The following SGCZ variants were observed in gnomAD, a reference collection of about 807,000 sequenced individuals.
The protein encoded by SGCZ is zeta-sarcoglycan.
SGCZ carries 40 observed loss-of-function variants against 41.3 expected under a neutral mutation model. That is an observed-to-expected ratio of 0.97 (90% CI 0.75 to 1.26). The LOEUF is 1.26. SGCZ is among the 50% of genes most tolerant of loss of function. SGCZ has a pLI of 0.00. For missense variants in SGCZ, 552 were observed against 369.8 expected, an observed-to-expected ratio of 1.49 and a Z score of -4.04; for synonymous variants, 206 against 137.5, an observed-to-expected ratio of 1.50 and a Z score of -3.49.
intron 1 of SGCZ, among the ~76,000 whole-genome samples, chr8:14,898,582 T>C (rs1216821561): frequency 6.6e-6 from 1 of 152,150 alleles, no homozygotes; most frequent in African/African-American, 2.4e-5. Flanking sequence ...GAAAGATGGT[T>C]ATTGGACTTG....
chr8:14,281,258 A>C (rs1022289690), intron 3 of SGCZ, among the ~76,000 whole-genome samples: 1 of 151,986 alleles, frequency 6.6e-6, no homozygotes, highest in Non-Finnish European at 1.5e-5. Context: ...AATTAAATGA[A>C]ATAATAAGTT....
chr8:14,922,208 T>C (rs1192397735), intron 1 of SGCZ, among the ~76,000 whole-genome samples: 1 of 151,714 alleles, frequency 6.6e-6, no homozygotes, highest in Non-Finnish European at 1.5e-5. Flanking sequence ...AAGCAGAAAA[T>C]GACTGCGTAC....
rs548233755 is a variant in SGCZ, at chr8:14,755,726, G to A, written c.40-200800C>T. ...GTAAATATCACCTCCACTAAAGGCT[G>A]TGCTAAGTGCCCTGATTGCTCATAA... is the stretch of plus-strand genomic sequence containing the variant. On this transcript the variant is annotated intron_variant, in intron 1 of 7. Transcript: ENST00000382080. Among the ~76,000 whole-genome samples, 79 of 152,206 alleles carry A rather than the reference G, an allele frequency of 5.2e-4. 2 individuals carry two copies. Among genetic ancestry groups the A allele is most frequent in the Non-Finnish European group, 4.4e-5 (3 of 68,012 alleles).
intron 1 of SGCZ, among the ~76,000 whole-genome samples, chr8:15,221,244 C>A (rs77449096): frequency 6.6e-6 from 1 of 151,964 alleles, no homozygotes; most frequent in Non-Finnish European, 1.5e-5. Context: ...CCTGGATTTG[C>A]GAAGAAGGGT....
intron 3 of SGCZ, among the ~76,000 whole-genome samples, chr8:14,278,093 A>G (rs552669715): frequency 2.0e-5 from 3 of 152,190 alleles, no homozygotes; most frequent in African/African-American, 4.8e-5. Context: ...TTTCACTCCC[A>G]TCGAGTTTCC....
intron 2 of SGCZ, among the ~76,000 whole-genome samples, chr8:14,456,728 C>T (rs1800755802): frequency 6.6e-6 from 1 of 152,174 alleles, no homozygotes; most frequent in Admixed American, 6.5e-5. Context: ...TATATGTCCT[C>T]ACCCAAATCT....
At chr8:14,734,312 A>G (rs1798963336) in intron 1 of SGCZ, among the ~76,000 whole-genome samples, 1 of 152,220 alleles carries the variant, frequency 6.6e-6, no homozygotes, top group Non-Finnish European at 1.5e-5. Context: ...TTGTAATAAA[A>G]TAAGAACACA....
chr8:15,228,272 C>T lies in SGCZ; in HGVS notation c.39+9313G>A, dbSNP rs148490203. Among the ~76,000 whole-genome samples, 57 of 152,262 alleles carry T rather than the reference C, an allele frequency of 3.7e-4. No individual in the cohort carries two copies. The East Asian group carries it at 0.011, about 29-fold the overall frequency. On this transcript the variant is annotated intron_variant, in intron 1 of 7. Coordinates refer to ENST00000382080, the MANE Select transcript of SGCZ (RefSeq NM_139167.4). Reference sequence around the variant, plus strand: ...TGCCACAAGCCAAAAATATGTTTAGCTTAATCCACCTGTGTATTTCACACA... The same window carrying T: ...TGCCACAAGCCAAAAATATGTTTAGTTTAATCCACCTGTGTATTTCACACA...
At chr8:14,313,910 C>G (rs865976809) in intron 3 of SGCZ, among the ~76,000 whole-genome samples, 13 of 144,912 alleles carry the variant, frequency 9.0e-5, no homozygotes, top group African/African-American at 2.3e-4. Flanking sequence ...TATCATCTCT[C>G]TGTGTGTGTG....
intron 1 of SGCZ, among the ~76,000 whole-genome samples, chr8:14,805,859 AC>A (rs1241141354): frequency 4.6e-5 from 7 of 151,652 alleles, no homozygotes; most frequent in African/African-American, 1.7e-4. Flanking sequence ...ATGTAAAAGA[AC>A]AGAAATTATA....
intron 1 of SGCZ, among the ~76,000 whole-genome samples, chr8:15,170,324 C>T (rs1799789684): frequency 6.6e-6 from 1 of 152,144 alleles, no homozygotes; most frequent in Non-Finnish European, 1.5e-5. Context: ...TGGTCACTTA[C>T]ACAACAAACC....
At chr8:14,600,223 T>C (rs1585114273) in intron 1 of SGCZ, among the ~76,000 whole-genome samples, 1 of 152,206 alleles carries the variant, frequency 6.6e-6, no homozygotes, top group Non-Finnish European at 1.5e-5. Context: ...ATATCTGTTA[T>C]GCATTTTCTG....
intron 3 of SGCZ, chr8:14,309,667 T>G: frequency 6.2e-7 from 1 of 1,610,488 alleles, no homozygotes; most frequent in Non-Finnish European, 8.5e-7. Flanking sequence ...AATAGGTTTG[T>G]TGTTTAAGAA....
chr8:14,097,978 T>G (rs901026793), intron 7 of SGCZ, among the ~76,000 whole-genome samples: 3 of 152,158 alleles, frequency 2.0e-5, no homozygotes, highest in African/African-American at 7.2e-5. Context: ...GCTGATCACT[T>G]AAAGTGGTAT....
At chr8:15,179,959 C>A (rs1419823296) in intron 1 of SGCZ, among the ~76,000 whole-genome samples, 3 of 152,144 alleles carry the variant, frequency 2.0e-5, no homozygotes, top group Admixed American at 2.0e-4. Context: ...CCAACTCCCA[C>A]CTGGCATTGA....
At chr8:14,250,745 C>G (rs1196249488) in intron 3 of SGCZ, among the ~76,000 whole-genome samples, 1 of 152,160 alleles carries the variant, frequency 6.6e-6, no homozygotes, top group South Asian at 2.1e-4. Context: ...ACAGCCCTTG[C>G]TCTCCTCTGT....
In SGCZ at chr8:14,670,745, ATGAGGT is replaced by A. The variant is rs142046680; in HGVS notation, c.40-115825_40-115820del. ...GACTCATTTATTTTCAGTACAACCC[ATGAGGT>A]AGGTGTGATCCTTGTTCCTCATTTT... is the stretch of plus-strand genomic sequence containing the variant. On this transcript the variant is annotated intron_variant, in intron 1 of 7. Transcript: ENST00000382080. Among the ~76,000 whole-genome samples, 957 of 152,308 alleles carry A rather than the reference ATGAGGT, an allele frequency of 6.3e-3. 8 individuals carry two copies. The highest frequency in any genetic ancestry group is 0.022 in the African/African-American group (908 of 41,582).
intron 3 of SGCZ, among the ~76,000 whole-genome samples, chr8:14,278,768 G>T (rs1800319773): frequency 6.6e-6 from 1 of 151,996 alleles, no homozygotes; most frequent in African/African-American, 2.4e-5. Context: ...ACTTCATTAA[G>T]ACCTCATAAA....
chr8:14,300,614 T>A (rs1801154289), intron 3 of SGCZ, among the ~76,000 whole-genome samples: 1 of 151,998 alleles, frequency 6.6e-6, no homozygotes, highest in African/African-American at 2.4e-5. Context: ...GGTTTTAAAC[T>A]TGGGAGTGCC....
Sources: allele counts gnomAD v4.1 joint callset (sites outside exome capture counted in the v4.1 genomes callset), GRCh38; gene constraint gnomAD v4.1.1; transcripts MANE v1.5; gene names NCBI Gene and HGNC (gene_info 2026-07-23, HGNC 2026-07-21).